The following KALRN variants were observed in gnomAD, a reference collection of about 807,000 sequenced individuals.
KALRN encodes kalirin RhoGEF kinase.
In KALRN, 70 loss-of-function variants were observed where a neutral mutation model predicts 353.7. The ratio of observed to expected loss-of-function variants is 0.20; its 90% CI spans 0.16 to 0.24. The LOEUF is 0.24. Among genes scored for constraint, KALRN ranks in the 10% least tolerant of loss-of-function variants. The probability of loss-of-function intolerance (pLI) is 1.00; values close to 1 mark genes in which losing one functional copy is unlikely to be tolerated. For missense variants in KALRN, 2,791 were observed against 3,756.7 expected (o/e 0.74, Z 6.72); for synonymous variants, 1,391 against 1,434.8 (o/e 0.97, Z 0.69).
Position 124,033,916 on chromosome 3 carries a change from G to C in KALRN, c.73+103G>C, listed in dbSNP as rs1267227737. Among the ~76,000 whole-genome samples the C allele has an allele frequency of 6.6e-6, 1 of 152,194 alleles. No homozygotes were observed. Among genetic ancestry groups the C allele is most frequent in the African/African-American group, 2.4e-5 (1 of 41,458 alleles). On this transcript the variant is annotated intron_variant, in intron 1 of 59. Coordinates refer to ENST00000682506, the MANE Select transcript of KALRN (RefSeq NM_001388419.1). The surrounding 1 kb of genome is among the most constrained non-coding windows in gnomAD (Gnocchi z 6.2). ...GGAGGGCTGTTGCTGCCGCGTGCGT[G>C]TTGGGGGGCAGTGCCCCCTCGGCGT...
intron 1 of KALRN, among the ~76,000 whole-genome samples, chr3:124,086,514 A>G (rs1417452277): frequency 3.9e-5 from 6 of 151,956 alleles, no homozygotes; most frequent in African/African-American, 2.4e-5. Flanking sequence ...ACTTATTTTT[A>G]TACCATGTTG....
At chr3:124,331,050 A>G (rs1262823986) in intron 8 of KALRN, among the ~76,000 whole-genome samples, 1 of 152,190 alleles carries the variant, frequency 6.6e-6, no homozygotes, top group African/African-American at 2.4e-5. Flanking sequence ...TGGCTCTCCT[A>G]TTTACTAGCT....
intron 1 of KALRN, among the ~76,000 whole-genome samples, chr3:124,121,302 A>T (rs140282880): frequency 1.1e-3 from 160 of 152,298 alleles, no homozygotes; most frequent in African/African-American, 3.8e-3. Flanking sequence ...TCCAGAATCT[A>T]GCACAATGTC....
intron 1 of KALRN, among the ~76,000 whole-genome samples, chr3:124,044,707 A>G (rs2040268588): frequency 6.6e-6 from 1 of 152,084 alleles, no homozygotes; most frequent in South Asian, 2.1e-4. Context: ...GGATATTACT[A>G]GTAATGTGGT....
At chr3:124,593,546 T>C (rs2076005249) in intron 34 of KALRN, among the ~76,000 whole-genome samples, 1 of 152,164 alleles carries the variant, frequency 6.6e-6, no homozygotes, top group African/African-American at 2.4e-5. Flanking sequence ...GTCTTGTCTT[T>C]TTCTTTTTGA....
intron 9 of KALRN, among the ~76,000 whole-genome samples, chr3:124,337,732 T>C (rs548639604): frequency 6.6e-6 from 1 of 152,366 alleles, no homozygotes; most frequent in African/African-American, 2.4e-5. Flanking sequence ...CAGCTCCTCT[T>C]TGTATCTCTG....
At chr3:124,231,382 T>C (rs1311933434) in intron 2 of KALRN, among the ~76,000 whole-genome samples, 43 of 152,240 alleles carry the variant, frequency 2.8e-4, no homozygotes, top group Admixed American at 2.7e-3. Context: ...TGTCTTTATG[T>C]GCATACACGC....
chr3:124,284,996 C>A (rs2075699456), intron 5 of KALRN, among the ~76,000 whole-genome samples: 1 of 152,142 alleles, frequency 6.6e-6, no homozygotes, highest in South Asian at 2.1e-4. Context: ...CCAGTTGTAA[C>A]AGAGCAACAT....
At chr3:124,347,090 A>G in intron 9 of KALRN, 53 bp from the exon 10 acceptor site, 1 of 1,611,644 alleles carries the variant, frequency 6.2e-7, no homozygotes, top group Non-Finnish European at 8.5e-7. Context: ...ATGTTGTCAC[A>G]TGTCTTTCCT....
intron 53 of KALRN, among the ~76,000 whole-genome samples, chr3:124,695,284 C>G (rs1256821593): frequency 6.6e-6 from 1 of 152,180 alleles, no homozygotes; most frequent in Non-Finnish European, 1.5e-5. Context: ...CTGTTGCTTA[C>G]AGTGGACAAG....
intron 1 of KALRN, among the ~76,000 whole-genome samples, chr3:124,041,423 G>C (rs769216867): frequency 6.6e-6 from 1 of 152,126 alleles, no homozygotes; most frequent in Non-Finnish European, 1.5e-5. Context: ...TACTCTAAGT[G>C]CCTCTTCTGA....
intron 1 of KALRN, among the ~76,000 whole-genome samples, chr3:124,225,672 T>A (rs1442909571): frequency 6.6e-6 from 1 of 152,142 alleles, no homozygotes; most frequent in African/African-American, 2.4e-5. Context: ...ACTTGGAGCT[T>A]CCTCTTCCTC....
chr3:124,394,754 A>C (rs1446169525), intron 11 of KALRN, among the ~76,000 whole-genome samples: 1 of 152,238 alleles, frequency 6.6e-6, no homozygotes. Flanking sequence ...CAATGTGCAC[A>C]GAGTACATTA....
intron 12 of KALRN, among the ~76,000 whole-genome samples, chr3:124,395,955 A>C (rs761582267): frequency 2.0e-5 from 3 of 152,240 alleles, no homozygotes; most frequent in African/African-American, 7.2e-5. Flanking sequence ...ATTTGTTTAG[A>C]ATTACCCAGG....
At chr3:124,227,894 C>G in intron 1 of KALRN, 96 bp from the exon 2 acceptor site, 2 of 978,392 alleles carry the variant, frequency 2.0e-6, no homozygotes, top group Middle Eastern at 4.7e-4. Context: ...CAGGACTTGC[C>G]GGCTGATGAT....
At chr3:124,492,081 G>A (rs1455531800) in intron 31 of KALRN, among the ~76,000 whole-genome samples, 1 of 151,952 alleles carries the variant, frequency 6.6e-6, no homozygotes, top group East Asian at 1.9e-4. Context: ...TTGCTTGTCA[G>A]GAAAGTGCCC....
intron 5 of KALRN, among the ~76,000 whole-genome samples, chr3:124,275,678 G>A (rs947420770): frequency 6.6e-6 from 1 of 152,186 alleles, no homozygotes; most frequent in Non-Finnish European, 1.5e-5. Flanking sequence ...TTCAGTCATG[G>A]GTGCCTGCTG....
At chr3:124,131,878 G>A (rs929442637) in intron 1 of KALRN, among the ~76,000 whole-genome samples, 4 of 152,138 alleles carry the variant, frequency 2.6e-5, no homozygotes, top group South Asian at 2.1e-4. Flanking sequence ...CAATCTGTTC[G>A]CTTCCCTGGA....
chr3:124,116,009 C>T (rs1055870589), intron 1 of KALRN, among the ~76,000 whole-genome samples: 6 of 152,120 alleles, frequency 3.9e-5, no homozygotes, highest in African/African-American at 1.4e-4. Flanking sequence ...CTTCTGTACT[C>T]AAATGAAGGG....
Sources: allele counts gnomAD v4.1 joint callset (sites outside exome capture counted in the v4.1 genomes callset), GRCh38; gene constraint gnomAD v4.1.1; non-coding constraint Gnocchi (gnomAD v3.1); transcripts MANE v1.5; gene names NCBI Gene and HGNC (gene_info 2026-07-23, HGNC 2026-07-21).